The following APBB2 variants were observed in gnomAD, a reference collection of about 807,000 sequenced individuals.
APBB2 encodes Fe65-like 1.
Under a neutral mutation model 82.5 loss-of-function variants are expected in APBB2, and 38 were observed. That is an observed-to-expected ratio of 0.46 (90% CI 0.36 to 0.60). The LOEUF (loss-of-function observed/expected upper bound fraction) is 0.60. Among genes scored for constraint, APBB2 ranks in the 20% least tolerant of loss-of-function variants. APBB2 has a pLI of 0.00. For missense variants in APBB2, 772 were observed against 972.3 expected (o/e 0.79, Z 2.74); for synonymous variants, 341 against 368.2 (o/e 0.93, Z 0.85).
intron 4 of APBB2, among the ~76,000 whole-genome samples, chr4:41,033,623 A>ACAG (rs1717958173): frequency 1.1e-5 from 1 of 88,440 alleles, no homozygotes; most frequent in African/African-American, 4.0e-5. Context: ...CACACACACA[A>ACAG]TTCAGCACCA....
chr4:40,988,252 C>T (rs1332954106), intron 6 of APBB2, among the ~76,000 whole-genome samples: 1 of 152,196 alleles, frequency 6.6e-6, no homozygotes, highest in Non-Finnish European at 1.5e-5. Flanking sequence ...TGCACTTGTG[C>T]TGGAAGTCTT....
chr4:40,851,449 G>T (rs1298294751), intron 12 of APBB2, among the ~76,000 whole-genome samples: 1 of 152,098 alleles, frequency 6.6e-6, no homozygotes, highest in Non-Finnish European at 1.5e-5. Flanking sequence ...AAACACACCA[G>T]AATCCTCGAA....
At chr4:41,210,717 T>C (rs1203509182) in intron 1 of APBB2, among the ~76,000 whole-genome samples, 2 of 152,192 alleles carry the variant, frequency 1.3e-5, no homozygotes, top group Non-Finnish European at 2.9e-5. Context: ...AGATATGCAG[T>C]TCCAATCAAA....
At chr4:41,154,520 G>A (rs1190467595) in intron 1 of APBB2, among the ~76,000 whole-genome samples, 2 of 151,974 alleles carry the variant, frequency 1.3e-5, no homozygotes. Flanking sequence ...TATTCTCTAT[G>A]GACTGTAAAC....
intron 12 of APBB2, among the ~76,000 whole-genome samples, chr4:40,851,593 T>A (rs992395852): frequency 1.4e-4 from 22 of 152,136 alleles, no homozygotes; most frequent in African/African-American, 4.8e-4. Flanking sequence ...CTGCTATAAT[T>A]TATTCATCCC....
At chr4:41,010,841 T>C (rs1410091891) in intron 6 of APBB2, among the ~76,000 whole-genome samples, 1 of 152,242 alleles carries the variant, frequency 6.6e-6, no homozygotes, top group East Asian at 1.9e-4. Flanking sequence ...GTTTTAACTA[T>C]TTATTGTGGC....
chr4:40,894,277 G>A lies in APBB2; in HGVS notation c.1255-866C>T, dbSNP rs543507925. On this transcript the variant is annotated intron_variant, in intron 10 of 17. Transcript: ENST00000508593. ...CACTCCAGCCTGGGTGACACAGAAC[G>A]AGACTCCGTCTCAAAAAAAAAAAAA... is the stretch of plus-strand genomic sequence containing the variant. 1.2e-4 allele frequency among the ~76,000 whole-genome samples: 18 copies of A among 151,210 alleles called. No individual in the cohort carries two copies. The East Asian group carries it at 2.3e-3, about 20-fold the overall frequency.
intron 15 of APBB2, among the ~76,000 whole-genome samples, chr4:40,825,384 G>A (rs371625701): frequency 6.6e-6 from 1 of 152,194 alleles, no homozygotes; most frequent in Non-Finnish European, 1.5e-5. Context: ...CCTGGTGAAG[G>A]CTTCATCTCC....
At chr4:40,893,238 C>T in intron 11 of APBB2, 27 bp downstream of exon 11, 2 of 1,608,372 alleles carry the variant, frequency 1.2e-6, no homozygotes, top group Non-Finnish European at 1.7e-6. Flanking sequence ...AAACAGCCTG[C>T]CGTGCATCAT....
intron 10 of APBB2, among the ~76,000 whole-genome samples, chr4:40,925,552 G>A (rs1026678126): frequency 6.6e-6 from 1 of 152,058 alleles, no homozygotes; most frequent in Non-Finnish European, 1.5e-5. Flanking sequence ...TTCAATAAAC[G>A]TCTCTGACTC....
chr4:40,967,587 C>G (rs1025083048), intron 6 of APBB2, among the ~76,000 whole-genome samples: 7 of 152,194 alleles, frequency 4.6e-5, no homozygotes, highest in Non-Finnish European at 1.0e-4. Context: ...GCACCTGGAG[C>G]TGCCTGCCCC....
chr4:40,869,999 TG>T (rs1157662721), intron 12 of APBB2, among the ~76,000 whole-genome samples: 1 of 151,788 alleles, frequency 6.6e-6, no homozygotes, highest in Admixed American at 6.6e-5. Context: ...CAAGTTTAAA[TG>T]GAAGAGAGAA....
chr4:40,990,735 C>T (rs147925931), intron 6 of APBB2, among the ~76,000 whole-genome samples: 138 of 152,268 alleles, frequency 9.1e-4, no homozygotes, highest in African/African-American at 3.3e-3. Context: ...ACAGATTAAA[C>T]AGTGATTCAT....
At chr4:41,192,435 A>G (rs1195681893) in intron 1 of APBB2, among the ~76,000 whole-genome samples, 2 of 152,248 alleles carry the variant, frequency 1.3e-5, no homozygotes, top group South Asian at 2.1e-4. Flanking sequence ...TGATATATTC[A>G]TGCAACAGAA....
chr4:41,048,931 C>T (rs113169672), intron 4 of APBB2, among the ~76,000 whole-genome samples: 5 of 152,226 alleles, frequency 3.3e-5, no homozygotes, highest in African/African-American at 1.2e-4. Context: ...AGCCTCGGTG[C>T]CGGGATTGCA....
rs567993606 is a variant in APBB2, at chr4:40,940,104, G to A, written c.1044+4761C>T. Among the ~76,000 whole-genome samples, 7 of 152,168 alleles carry A rather than the reference G, an allele frequency of 4.6e-5. No homozygotes were observed. In the South Asian group the frequency reaches 1.2e-3, roughly 27 times the overall value. On this transcript the variant is annotated intron_variant, in intron 7 of 17. Transcript: ENST00000508593. ...CTGGGCCCTGTGCACAGGATGAGGA[G>A]AACAGGTCCCGGCCACCAAGGAGCT...
rs143844289 is a variant in APBB2, at chr4:41,076,170, G to A, written c.-148-10497C>T. On this transcript the variant is annotated intron_variant, in intron 3 of 17. Coordinates refer to ENST00000508593, the MANE Select transcript of APBB2 (RefSeq NM_004307.2). ...AAGCAGGGGCAGACAAAACATAAACGTCTATAGACAGAATTGTCAGGAAGT... is the reference window on the plus strand; with the variant it reads ...AAGCAGGGGCAGACAAAACATAAACATCTATAGACAGAATTGTCAGGAAGT... Among the ~76,000 whole-genome samples, 47 of 152,288 alleles carry A rather than the reference G, an allele frequency of 3.1e-4. No homozygotes were observed. In the East Asian group the frequency reaches 3.3e-3, roughly 11 times the overall value.
intron 3 of APBB2, among the ~76,000 whole-genome samples, chr4:41,075,117 G>T (rs978482373): frequency 3.9e-5 from 6 of 152,166 alleles, no homozygotes; most frequent in African/African-American, 1.2e-4. Flanking sequence ...TGGGCAACAA[G>T]AGTGACACTC....
intron 6 of APBB2, among the ~76,000 whole-genome samples, chr4:40,964,248 G>C (rs1274131266): frequency 6.6e-6 from 1 of 152,098 alleles, no homozygotes; most frequent in African/African-American, 2.4e-5. Flanking sequence ...CCCTGGAAAA[G>C]CTTGACCCTC....
Sources: gnomAD v4.1 joint callset for allele counts (sites outside exome capture counted in the v4.1 genomes callset) on GRCh38, gnomAD v4.1.1 for gene constraint, MANE v1.5 for transcripts, NCBI Gene and HGNC (gene_info 2026-07-23, HGNC 2026-07-21) for gene names.